The following KCNQ5 variants were observed in gnomAD, a reference collection of about 807,000 sequenced individuals.
KCNQ5 encodes the protein potassium voltage-gated channel subfamily Q member 5.
A neutral mutation model predicts 98.2 loss-of-function variants in KCNQ5; 30 were observed. The observed-to-expected ratio is 0.31, with a 90% CI of 0.23 to 0.41. The LOEUF (loss-of-function observed/expected upper bound fraction) is 0.41. Ranked by LOEUF, KCNQ5 falls within the 10% of genes least tolerant of loss-of-function variation. The pLI is 1.00. For missense variants in KCNQ5, 835 were observed against 1,182.5 expected, an observed-to-expected ratio of 0.71 and a Z score of 4.31; for synonymous variants, 458 against 449.4, an observed-to-expected ratio of 1.02 and a Z score of -0.24.
chr6:72,766,176 G>A (rs1234284812), intron 1 of KCNQ5, among the ~76,000 whole-genome samples: 1 of 151,954 alleles, frequency 6.6e-6, no homozygotes, highest in African/African-American at 2.4e-5. Context: ...GGGACAAAAG[G>A]GACTCAGACA....
At chr6:72,691,631 G>C (rs1768217841) in intron 1 of KCNQ5, among the ~76,000 whole-genome samples, 1 of 152,160 alleles carries the variant, frequency 6.6e-6, no homozygotes, top group African/African-American at 2.4e-5. Flanking sequence ...AGGAATATTA[G>C]AGATGGGAAA....
At chr6:72,738,013 G>A (rs1039732745) in intron 1 of KCNQ5, among the ~76,000 whole-genome samples, 1 of 149,944 alleles carries the variant, frequency 6.7e-6, no homozygotes, top group Non-Finnish European at 1.5e-5. Flanking sequence ...AAATTAGCCG[G>A]GCGTGGTGGC....
chr6:72,937,738 T>A (rs1164561438), intron 1 of KCNQ5, among the ~76,000 whole-genome samples: 5 of 152,228 alleles, frequency 3.3e-5, no homozygotes, highest in African/African-American at 1.2e-4. Flanking sequence ...TCTCTGTTAT[T>A]ATGCATGTGT....
At chr6:72,818,950 A>G (rs1775629745) in intron 1 of KCNQ5, among the ~76,000 whole-genome samples, 4 of 151,784 alleles carry the variant, frequency 2.6e-5, no homozygotes, top group Admixed American at 2.6e-4. Context: ...TTTGTTAGAC[A>G]TGTTACATGC....
chr6:72,970,501 G>C (rs1348468154), intron 1 of KCNQ5, among the ~76,000 whole-genome samples: 1 of 152,134 alleles, frequency 6.6e-6, no homozygotes, highest in African/African-American at 2.4e-5. Flanking sequence ...AGTTTCAGTA[G>C]TACCAAAGCT....
chr6:72,735,309 G>A (rs1770771551), intron 1 of KCNQ5, among the ~76,000 whole-genome samples: 1 of 152,156 alleles, frequency 6.6e-6, no homozygotes, highest in African/African-American at 2.4e-5. Flanking sequence ...TTTTATTTCA[G>A]CAGAATCCAA....
At chr6:72,659,585 C>T (rs1052811158) in intron 1 of KCNQ5, among the ~76,000 whole-genome samples, 5 of 152,172 alleles carry the variant, frequency 3.3e-5, no homozygotes, top group Admixed American at 1.3e-4. Context: ...CTTGTTACAG[C>T]GTCCTCTGAA....
chr6:73,103,772 G>T (rs1475724925), intron 5 of KCNQ5, among the ~76,000 whole-genome samples: 1 of 151,944 alleles, frequency 6.6e-6, no homozygotes, highest in African/African-American at 2.4e-5. Flanking sequence ...AAACCAGAAA[G>T]AGTGAATAAC....
At chr6:72,950,064 A>C (rs1022411089) in intron 1 of KCNQ5, among the ~76,000 whole-genome samples, 3 of 152,178 alleles carry the variant, frequency 2.0e-5, no homozygotes, top group African/African-American at 7.2e-5. Context: ...GAGCAGAATT[A>C]GTATATCACA....
At chr6:72,881,678 A>T (rs966598585) in intron 1 of KCNQ5, among the ~76,000 whole-genome samples, 2 of 152,140 alleles carry the variant, frequency 1.3e-5, no homozygotes, top group South Asian at 4.2e-4. Flanking sequence ...GGAATAGATT[A>T]TATTACTTTT....
chr6:73,084,845 A>C (rs1293190926), intron 5 of KCNQ5, among the ~76,000 whole-genome samples: 1 of 152,190 alleles, frequency 6.6e-6, no homozygotes, highest in Non-Finnish European at 1.5e-5. Flanking sequence ...ACTGGGTTCT[A>C]CCAGTGAAAA....
At position 72,944,495 on chromosome 6, in the gene KCNQ5, G is replaced by C. The variant is rs1045994404; in HGVS notation, c.399-59413G>C. On this transcript the variant is annotated intron_variant, in intron 1 of 13. Coordinates refer to ENST00000370398, the MANE Select transcript of KCNQ5 (RefSeq NM_019842.4). ...GCATTCAGCAGAGAACAAGACAAAG[G>C]CCTGTCTCTCACACAAGTTACCTCC... Among the ~76,000 whole-genome samples the C allele has an allele frequency of 4.6e-5, 7 of 152,116 alleles. 1 individual carries two copies. The East Asian group carries it at 5.8e-4, about 13-fold the overall frequency.
intron 1 of KCNQ5, among the ~76,000 whole-genome samples, chr6:72,999,831 G>C (rs944778528): frequency 2.6e-5 from 4 of 152,158 alleles, no homozygotes; most frequent in African/African-American, 9.6e-5. Context: ...CAATATTCAA[G>C]ATGAAACAAT....
chr6:73,158,184 G>C (rs1777447278), intron 10 of KCNQ5: 1 of 304,258 alleles, frequency 3.3e-6, no homozygotes, highest in African/African-American at 2.2e-5. Context: ...ACGTCCGGGC[G>C]AGCACGGCGG....
At chr6:72,940,573 C>T (rs1253318938) in intron 1 of KCNQ5, among the ~76,000 whole-genome samples, 1 of 152,156 alleles carries the variant, frequency 6.6e-6, no homozygotes, top group Non-Finnish European at 1.5e-5. Flanking sequence ...GTCAACACTA[C>T]CAGATGCGGA....
intron 1 of KCNQ5, among the ~76,000 whole-genome samples, chr6:72,752,419 G>A (rs527844848): frequency 2.6e-5 from 4 of 152,052 alleles, no homozygotes; most frequent in Non-Finnish European, 5.9e-5. Flanking sequence ...GAGAAGTTTA[G>A]GCAAAGAAAA....
intron 1 of KCNQ5, among the ~76,000 whole-genome samples, chr6:72,776,017 A>ACACAGG (rs1240997948): frequency 6.6e-6 from 1 of 152,216 alleles, no homozygotes; most frequent in Non-Finnish European, 1.5e-5. Context: ...ATTAATTATG[A>ACACAGG]CACAGGTACC....
chr6:72,641,801 T>C (rs998437060), intron 1 of KCNQ5, among the ~76,000 whole-genome samples: 4 of 152,090 alleles, frequency 2.6e-5, no homozygotes, highest in African/African-American at 7.2e-5. Flanking sequence ...GCCTGGGTCA[T>C]GTACGTGCAC....
chr6:72,741,646 CA>C (rs1554153151), intron 1 of KCNQ5, among the ~76,000 whole-genome samples: 1 of 152,114 alleles, frequency 6.6e-6, no homozygotes, highest in Non-Finnish European at 1.5e-5. Flanking sequence ...ATAGGAAAGA[CA>C]TACCTTAGAT....
Sources: gnomAD v4.1 joint callset for allele counts (sites outside exome capture counted in the v4.1 genomes callset) on GRCh38, gnomAD v4.1.1 for gene constraint, MANE v1.5 for transcripts, NCBI Gene and HGNC (gene_info 2026-07-23, HGNC 2026-07-21) for gene names.